The following HS2ST1 variants were observed in gnomAD, a reference collection of about 807,000 sequenced individuals.
HS2ST1 encodes heparan sulfate 2-O-sulfotransferase 1, also known as 2-O-sulfotransferase.
Under a neutral mutation model 42.9 loss-of-function variants are expected in HS2ST1, and 18 were observed. That is an observed-to-expected ratio of 0.42 (90% CI 0.29 to 0.62). The LOEUF is 0.62. Among genes scored for constraint, HS2ST1 ranks in the 20% least tolerant of loss-of-function variants. The probability of loss-of-function intolerance (pLI) is 0.21; values close to 1 mark genes in which losing one functional copy is unlikely to be tolerated. For missense variants in HS2ST1, 334 were observed against 433.8 expected (o/e 0.77, Z 2.04); for synonymous variants, 146 against 152.9 (o/e 0.95, Z 0.33).
chr1:87,042,083 C>T (rs1286242699), intron 1 of HS2ST1, among the ~76,000 whole-genome samples: 1 of 152,004 alleles, frequency 6.6e-6, no homozygotes, highest in Non-Finnish European at 1.5e-5. Context: ...TAGTGATGTC[C>T]AGCATCTTCC....
At chr1:87,046,511 C>CT in intron 1 of HS2ST1, 2 of 1,460,738 alleles carry the variant, frequency 1.4e-6, no homozygotes, top group Non-Finnish European at 1.9e-6. Context: ...TCCAGTTAAA[C>CT]TTTTTACCAA....
intron 1 of HS2ST1, among the ~76,000 whole-genome samples, chr1:87,018,750 C>G (rs1253260583): frequency 1.3e-5 from 2 of 152,116 alleles, no homozygotes; most frequent in African/African-American, 4.8e-5. Context: ...CTTGGCCATT[C>G]CGTTTTAGTT....
intron 1 of HS2ST1, among the ~76,000 whole-genome samples, chr1:87,034,418 T>C (rs1322733626): frequency 3.3e-5 from 5 of 152,168 alleles, no homozygotes; most frequent in Non-Finnish European, 5.9e-5. Flanking sequence ...GGGGAGAAAA[T>C]AAATTAACAA....
rs546573494 is a variant in HS2ST1, at chr1:86,957,456, T to C, written c.124+42296T>C. The stretch of plus-strand genomic sequence containing the variant: ...GTAGAATAAACACAATTGCAACATG[T>C]GATGTCTCAGCTCTCTCCTAAGACT... On this transcript the variant is annotated intron_variant, in intron 1 of 6. Transcript: ENST00000370550. Among the ~76,000 whole-genome samples the C allele has an allele frequency of 3.5e-4, 53 of 152,344 alleles. No individual in the cohort carries two copies. The South Asian group carries it at 0.01, about 30-fold the overall frequency.
chr1:86,935,531 C>G (rs185346583), intron 1 of HS2ST1, among the ~76,000 whole-genome samples: 1 of 136,968 alleles, frequency 7.3e-6, no homozygotes, highest in Non-Finnish European at 1.5e-5. Context: ...GGCACAATCT[C>G]GGCTCACTGC....
At chr1:86,987,106 A>G (rs1411053048) in intron 1 of HS2ST1, among the ~76,000 whole-genome samples, 10 of 122,312 alleles carry the variant, frequency 8.2e-5, no homozygotes, top group Admixed American at 2.2e-4. Context: ...GTCTCACTCT[A>G]TTGCCCAGGC....
intron 1 of HS2ST1, among the ~76,000 whole-genome samples, chr1:86,963,694 G>A (rs1647927404): frequency 6.6e-6 from 1 of 151,208 alleles, no homozygotes; most frequent in South Asian, 2.1e-4. Flanking sequence ...GGGGGTGACA[G>A]CCGGGCAGAG....
intron 4 of HS2ST1, among the ~76,000 whole-genome samples, chr1:87,095,582 C>T (rs1018577042): frequency 4.6e-5 from 7 of 152,094 alleles, no homozygotes; most frequent in Non-Finnish European, 1.0e-4. Context: ...TTAACCTTTG[C>T]CCAGTACCTG....
chr1:86,961,219 AGAGT>A (rs1281617009), intron 1 of HS2ST1, among the ~76,000 whole-genome samples: 5 of 152,070 alleles, frequency 3.3e-5, no homozygotes, highest in African/African-American at 1.2e-4. Context: ...CTGGGTGAAC[AGAGT>A]GAGACTCTGT....
intron 1 of HS2ST1, among the ~76,000 whole-genome samples, chr1:87,070,080 C>T (rs1421083375): frequency 1.3e-5 from 2 of 151,638 alleles, no homozygotes; most frequent in African/African-American, 2.4e-5. Flanking sequence ...TTTTCTTTAG[C>T]GCAAACTCCT....
chr1:87,046,197 GA>G, intron 1 of HS2ST1: 1 of 862,746 alleles, frequency 1.2e-6, no homozygotes, highest in Non-Finnish European at 1.9e-6. Flanking sequence ...TCCTCTTATT[GA>G]AAGTGGAACT....
intron 1 of HS2ST1, among the ~76,000 whole-genome samples, chr1:86,974,830 T>C (rs762096539): frequency 6.6e-6 from 1 of 152,212 alleles, no homozygotes; most frequent in Non-Finnish European, 1.5e-5. Context: ...GGCATGTCTT[T>C]AGGTCTGAGA....
chr1:87,017,428 C>T (rs952576037), intron 1 of HS2ST1, among the ~76,000 whole-genome samples: 3 of 152,338 alleles, frequency 2.0e-5, no homozygotes, highest in Non-Finnish European at 4.4e-5. Flanking sequence ...TAAGCCACCA[C>T]ACCCGGCCTC....
chr1:87,077,847 A>G (rs986216831), intron 2 of HS2ST1, among the ~76,000 whole-genome samples: 1 of 152,176 alleles, frequency 6.6e-6, no homozygotes, highest in Non-Finnish European at 1.5e-5. Flanking sequence ...AGTATGATCT[A>G]TTCTTATCTC....
At chr1:86,964,734 C>G (rs1647993577) in intron 1 of HS2ST1, among the ~76,000 whole-genome samples, 1 of 152,220 alleles carries the variant, frequency 6.6e-6, no homozygotes, top group South Asian at 2.1e-4. Context: ...CCTTTCTACA[C>G]ACAGACACAC....
intron 1 of HS2ST1, among the ~76,000 whole-genome samples, chr1:86,995,635 G>T (rs987385682): frequency 6.6e-6 from 1 of 152,242 alleles, no homozygotes; most frequent in Admixed American, 6.5e-5. Context: ...TCTCTGGTTT[G>T]TGATCTTCTT....
At chr1:86,987,215 G>T (rs192746071) in intron 1 of HS2ST1, among the ~76,000 whole-genome samples, 1 of 151,728 alleles carries the variant, frequency 6.6e-6, no homozygotes, top group Non-Finnish European at 1.5e-5. Flanking sequence ...AATTACAGGT[G>T]CCCACTGCCT....
intron 1 of HS2ST1, chr1:87,046,050 A>G (rs562469610): frequency 3.0e-6 from 2 of 665,426 alleles, no homozygotes; most frequent in East Asian, 3.6e-5. Flanking sequence ...GAAAGCTAAT[A>G]TGGTTGCCTA....
chr1:86,958,608 T>C (rs540335080), intron 1 of HS2ST1: 1 of 152,356 alleles, frequency 6.6e-6, no homozygotes, highest in South Asian at 2.1e-4. Context: ...ATTTCTACTT[T>C]AAAAGCTAAA....
Sources: allele counts gnomAD v4.1 joint callset (sites outside exome capture counted in the v4.1 genomes callset), GRCh38; gene constraint gnomAD v4.1.1; transcripts MANE v1.5; gene names NCBI Gene and HGNC (gene_info 2026-07-23, HGNC 2026-07-21).